The following NRK variants were observed in gnomAD, a reference collection of about 807,000 sequenced individuals.
The protein encoded by NRK is nik-related protein kinase.
Under a neutral mutation model 125.2 loss-of-function variants are expected in NRK, and 67 were observed. The observed-to-expected ratio is 0.54, with a 90% CI of 0.44 to 0.66. NRK has a LOEUF of 0.66. NRK is among the 30% of genes least tolerant of loss of function. The probability of loss-of-function intolerance (pLI) is 0.00; values close to 1 mark genes in which losing one functional copy is unlikely to be tolerated. For synonymous variants in NRK, 458 were observed against 429.0 expected, an observed-to-expected ratio of 1.07 and a Z score of -0.84; for missense variants, 1,224 against 1,192.9, an observed-to-expected ratio of 1.03 and a Z score of -0.38.
chrX:105,828,005 C>T (rs944585591), intron 1 of NRK, among the ~76,000 whole-genome samples: 3 of 111,703 alleles, frequency 2.7e-5, no homozygotes, highest in Non-Finnish European at 5.7e-5. Flanking sequence ...AAGATTGTTC[C>T]TTTCCAATTC....
At position 105,909,771 on chromosome X, in the gene NRK, G is replaced by A; in HGVS notation, c.2130G>A (p.Trp710Ter). The change falls in exon 13 of 29, where the codon TGG (tryptophan) becomes TGA (stop). Residue 710 changes from tryptophan to a stop codon, truncating the protein, a stop_gained. Transcript: ENST00000243300. LOFTEE classifies it high-confidence loss of function. The part of the protein sequence containing the change: ...SPKRFRAKSS[W>*]RPEKLELSDL... ...AGAGGTTCAGGGCAAAGTCATCATG[G>A]AGACCTGAAAAGCTTGAACTCTCGG... is the stretch of plus-strand genomic sequence containing the variant. 8.4e-7 allele frequency: 1 copy of A among 1,183,663 alleles called. No homozygotes were observed. The highest frequency in any genetic ancestry group is 1.1e-6 in the Non-Finnish European group (1 of 880,842).
At chrX:105,824,831 C>T (rs918889274) in intron 1 of NRK, among the ~76,000 whole-genome samples, 1 of 110,923 alleles carries the variant, frequency 9.0e-6, no homozygotes, top group Non-Finnish European at 1.9e-5. Context: ...AGGGGAGTAG[C>T]GAGAAGATAC....
At chrX:105,861,159 T>C (rs5916956) in intron 2 of NRK, among the ~76,000 whole-genome samples, 1,826 of 112,084 alleles carry the variant, frequency 0.016, 19 homozygotes, top group Non-Finnish European at 0.025. Flanking sequence ...TTAAAAATTA[T>C]TATAGCCATT....
intron 8 of NRK, among the ~76,000 whole-genome samples, 157 bp from the exon 9 acceptor site, chrX:105,900,460 TC>T (rs2040143956): frequency 8.9e-6 from 1 of 111,841 alleles, no homozygotes; most frequent in Non-Finnish European, 1.9e-5. Flanking sequence ...GATTATGTCT[TC>T]CTATAATGTC....
intron 2 of NRK, among the ~76,000 whole-genome samples, chrX:105,867,454 C>T (rs2039686941): frequency 8.9e-6 from 1 of 111,806 alleles, no homozygotes; most frequent in Non-Finnish European, 1.9e-5. Context: ...CTGACTTATA[C>T]AAGCCCAAAG....
At position 105,900,195 on chromosome X, in the gene NRK, T is replaced by C. The variant is rs890197343; in HGVS notation, c.712-423T>C. 1.2e-3 allele frequency among the ~76,000 whole-genome samples: 119 copies of C among 96,148 alleles called. 1 individual carries two copies. In the South Asian group the frequency reaches 0.022, roughly 18 times the overall value. 83.5% of individuals were successfully genotyped at this position (96,148 alleles called of 115,157 possible). A position where few individuals can be genotyped will look rare whatever the true frequency, so the allele number is the denominator to read the frequency against. On this transcript the variant is annotated intron_variant, in intron 8 of 28. Transcript: ENST00000243300. ...ACACACACACACACACACACACACATATCAGTCCTATGTAAGTGTATGCTA... is the reference window on the plus strand; with the variant it reads ...ACACACACACACACACACACACACACATCAGTCCTATGTAAGTGTATGCTA...
intron 3 of NRK, 38 bp from the exon 4 acceptor site, chrX:105,881,670 T>C: frequency 1.3e-6 from 1 of 795,569 alleles, no homozygotes; most frequent in Non-Finnish European, 1.9e-6. Flanking sequence ...TTTTAGAGTG[T>C]ACCAGTACAT....
chrX:105,950,207 T>C (rs998523254), intron 27 of NRK, among the ~76,000 whole-genome samples: 2 of 111,342 alleles, frequency 1.8e-5, no homozygotes, highest in Non-Finnish European at 3.8e-5. Context: ...AATCAAATCA[T>C]TTAGAAAAGT....
intron 2 of NRK, among the ~76,000 whole-genome samples, chrX:105,851,781 A>T (rs996934132): frequency 9.0e-6 from 1 of 110,876 alleles, no homozygotes; most frequent in Admixed American, 9.6e-5. Flanking sequence ...GGCAAGGTAC[A>T]CTTCTGCCAG....
chrX:105,892,857 A>C (rs1300809568), intron 5 of NRK, among the ~76,000 whole-genome samples: 4 of 111,881 alleles, frequency 3.6e-5, no homozygotes. Flanking sequence ...GAAGTAAGGT[A>C]GACTTTTTGA....
chrX:105,946,494 T>A (rs917764434), intron 26 of NRK, 30 bp downstream of exon 26: 2 of 1,069,531 alleles, frequency 1.9e-6, no homozygotes, highest in Admixed American at 5.0e-5. Flanking sequence ...TTCCTAGAAA[T>A]TATTGTATAC....
Position 105,900,667 on chromosome X carries a change from C to A in NRK, c.761C>A (p.Ala254Asp). ...ACTGCCATTGAAATGGCTGAAGGAG[C>A]CCCTCGTGAGTAAAAAATGTTTGAT... Reference protein sequence around the residue: ...GITAIEMAEGAPPLCNLQPLE... With the variant: ...GITAIEMAEGDPPLCNLQPLE... Residue 254 changes from alanine to aspartate, a missense_variant, in exon 9 of 29, where the codon GCC becomes GAC. By Grantham distance (126) the Ala-to-Asp change is moderately radical. Coordinates refer to ENST00000243300, the MANE Select transcript of NRK (RefSeq NM_198465.4). 1 of 1,122,663 alleles carries A rather than the reference C, an allele frequency of 8.9e-7. No individual in the cohort carries two copies. The highest frequency in any genetic ancestry group is 1.9e-5 in the South Asian group (1 of 53,268). The allele number at this position is 1,122,663 out of a possible 1,213,427, so 92.5% of individuals were successfully genotyped here.
At chrX:105,952,162 T>G (rs1036510880) in intron 27 of NRK, among the ~76,000 whole-genome samples, 1 of 112,412 alleles carries the variant, frequency 8.9e-6, no homozygotes, top group Non-Finnish European at 1.9e-5. Flanking sequence ...CATGTTAATA[T>G]GAGAATGAAG....
intron 1 of NRK, among the ~76,000 whole-genome samples, chrX:105,825,594 T>A (rs1219194985): frequency 8.9e-6 from 1 of 112,221 alleles, no homozygotes; most frequent in Non-Finnish European, 1.9e-5. Flanking sequence ...GTAGGTTATT[T>A]GGTATTTTTG....
chrX:105,910,828 G>A (rs938630876), intron 13 of NRK, among the ~76,000 whole-genome samples: 7 of 111,611 alleles, frequency 6.3e-5, no homozygotes, highest in Non-Finnish European at 1.3e-4. Flanking sequence ...ACCAGTTGGC[G>A]TCAGTGGGGT....
Position 105,866,499 on chromosome X carries a change from GC to G in NRK, c.124-13699del, listed in dbSNP as rs776640254. Reference sequence around the variant, plus strand: ...TTTTGAAAAATTGATTATAATCTTGGCTGTAGAGAAAATCTTAAATACCAAA... The same window carrying G: ...TTTTGAAAAATTGATTATAATCTTGGTGTAGAGAAAATCTTAAATACCAAA... On this transcript the variant is annotated intron_variant, in intron 2 of 28. Coordinates refer to ENST00000243300, the MANE Select transcript of NRK (RefSeq NM_198465.4). Among the ~76,000 whole-genome samples, 3 of 111,706 alleles carry G rather than the reference GC, an allele frequency of 2.7e-5. No individual in the cohort carries two copies. The East Asian group carries it at 8.5e-4, about 32-fold the overall frequency.
intron 1 of NRK, among the ~76,000 whole-genome samples, chrX:105,826,368 TTA>T (rs1167946792): frequency 1.3e-5 from 1 of 79,631 alleles, no homozygotes; most frequent in Non-Finnish European, 2.2e-5. Flanking sequence ...ATATAATATA[TTA>T]TATATATTAT....
At chrX:105,875,172 C>T (rs1488355119) in intron 2 of NRK, among the ~76,000 whole-genome samples, 3 of 111,563 alleles carry the variant, frequency 2.7e-5, no homozygotes, top group Admixed American at 1.9e-4. Context: ...ATACATCTTA[C>T]AAACTATAAA....
chrX:105,893,766 A>G (rs1187023590), intron 5 of NRK, 66 bp from the exon 6 acceptor site: 4 of 667,951 alleles, frequency 6.0e-6, no homozygotes, highest in Non-Finnish European at 9.6e-6. Flanking sequence ...CATATGGACT[A>G]AAACTCTCCA....
Sources: allele counts gnomAD v4.1 joint callset (sites outside exome capture counted in the v4.1 genomes callset), GRCh38; gene constraint gnomAD v4.1.1; transcripts MANE v1.5; gene names NCBI Gene and HGNC (gene_info 2026-07-23, HGNC 2026-07-21).